EYS: variants seen among roughly 807,000 people sequenced by gnomAD.
EYS encodes EGF-like photoreceptor maintenance factor, also known as protein eyes shut homolog.
Under a neutral mutation model 282.1 loss-of-function variants are expected in EYS, and 250 were observed. The ratio of observed to expected loss-of-function variants is 0.89; its 90% CI spans 0.80 to 0.98. EYS has a LOEUF of 0.98. Among genes scored for constraint, EYS ranks in the 50% least tolerant of loss-of-function variants. The pLI is 0.00. For synonymous variants in EYS, 1,355 were observed against 1,282.9 expected, an observed-to-expected ratio of 1.06 and a Z score of -1.20; for missense variants, 4,016 against 3,709.0, an observed-to-expected ratio of 1.08 and a Z score of -2.15.
chr6:64,863,505 T>C (rs1449448101), intron 19 of EYS, among the ~76,000 whole-genome samples: 1 of 152,224 alleles, frequency 6.6e-6, no homozygotes. Context: ...ATAGTAAAGA[T>C]ATCACAGTAT....
intron 24 of EYS, 130 bp downstream of exon 24, chr6:64,617,288 C>T: frequency 1.5e-6 from 1 of 657,542 alleles, no homozygotes; most frequent in Non-Finnish European, 2.7e-6. Context: ...GTGTAGCGTG[C>T]ACAGAGAAGG....
chr6:64,870,262 G>A (rs1057247109), intron 19 of EYS, among the ~76,000 whole-genome samples: 3 of 151,598 alleles, frequency 2.0e-5, no homozygotes, highest in Non-Finnish European at 3.0e-5. Context: ...CATAACAGCT[G>A]AAAATGTGCA....
chr6:63,808,550 A>G (rs1318150184), intron 36 of EYS, among the ~76,000 whole-genome samples: 1 of 152,244 alleles, frequency 6.6e-6, no homozygotes, highest in Admixed American at 6.5e-5. Context: ...AAGCTTATGC[A>G]GAAATCTAAA....
At chr6:64,597,535 A>T (rs944666651) in intron 24 of EYS, among the ~76,000 whole-genome samples, 1 of 152,188 alleles carries the variant, frequency 6.6e-6, no homozygotes, top group African/African-American at 2.4e-5. Flanking sequence ...CCATAAAAAG[A>T]ATTAAATCAG....
At chr6:65,074,196 T>C (rs1287272347) in intron 12 of EYS, among the ~76,000 whole-genome samples, 3 of 152,088 alleles carry the variant, frequency 2.0e-5, no homozygotes, top group African/African-American at 7.2e-5. Flanking sequence ...GGTAATTCCC[T>C]TTGAGACTAC....
intron 41 of EYS, among the ~76,000 whole-genome samples, chr6:63,756,905 G>T (rs1233564810): frequency 6.6e-6 from 1 of 151,842 alleles, no homozygotes; most frequent in Non-Finnish European, 1.5e-5. Flanking sequence ...TAATCCTGTT[G>T]TCTTTGTAAG....
intron 12 of EYS, among the ~76,000 whole-genome samples, chr6:65,221,388 G>C (rs1209397242): frequency 6.6e-6 from 1 of 152,194 alleles, no homozygotes; most frequent in Non-Finnish European, 1.5e-5. Context: ...CTTGGGACTT[G>C]ATGCCCTATG....
At chr6:63,983,260 A>G (rs934243582) in intron 35 of EYS, among the ~76,000 whole-genome samples, 1 of 151,840 alleles carries the variant, frequency 6.6e-6, no homozygotes, top group Non-Finnish European at 1.5e-5. Context: ...ATACTTACAC[A>G]GTGAATCAGA....
In EYS at chr6:64,976,767, C is replaced by A. The variant is rs567682415; in HGVS notation, c.2259+20815G>T. ...CATCTCCATTCAAGACAAAAGAGAACTATGTTTCTGTCACTAATTTATTGG... is the reference window on the plus strand; with the variant it reads ...CATCTCCATTCAAGACAAAAGAGAAATATGTTTCTGTCACTAATTTATTGG... On this transcript the variant is annotated intron_variant, in intron 14 of 42. Transcript: ENST00000503581. Among the ~76,000 whole-genome samples, 15 of 151,938 alleles carry A rather than the reference C, an allele frequency of 9.9e-5. No homozygotes were observed. In the East Asian group the frequency reaches 1.9e-3, roughly 20 times the overall value.
intron 5 of EYS, among the ~76,000 whole-genome samples, chr6:65,442,130 T>C (rs1562184320): frequency 6.6e-6 from 1 of 152,084 alleles, no homozygotes; most frequent in African/African-American, 2.4e-5. Flanking sequence ...TGTGTTTTCT[T>C]CTTTAAAAAA....
At chr6:65,062,307 G>A (rs1414411153) in intron 12 of EYS, among the ~76,000 whole-genome samples, 1 of 151,778 alleles carries the variant, frequency 6.6e-6, no homozygotes, top group Non-Finnish European at 1.5e-5. Context: ...ATTCTTTATT[G>A]TTCCTCACCC....
intron 29 of EYS, among the ~76,000 whole-genome samples, chr6:64,329,444 A>G (rs1346665951): frequency 6.6e-6 from 1 of 152,106 alleles, no homozygotes; most frequent in Non-Finnish European, 1.5e-5. Flanking sequence ...TCCCAACAAC[A>G]GAGGAATGGA....
intron 36 of EYS, among the ~76,000 whole-genome samples, chr6:63,825,630 C>T (rs866351024): frequency 2.2e-4 from 33 of 152,108 alleles, no homozygotes; most frequent in African/African-American, 7.0e-4. Flanking sequence ...GATGGTTAGA[C>T]CCAGAAGAGA....
At chr6:63,836,040 A>T (rs1235071934) in intron 36 of EYS, among the ~76,000 whole-genome samples, 1 of 152,060 alleles carries the variant, frequency 6.6e-6, no homozygotes, top group African/African-American at 2.4e-5. Context: ...TATGAAAATT[A>T]TTATACAGGT....
At chr6:64,686,211 A>T (rs1362349871) in intron 22 of EYS, among the ~76,000 whole-genome samples, 4 of 152,148 alleles carry the variant, frequency 2.6e-5, no homozygotes, top group African/African-American at 9.6e-5. Context: ...CTAAATTCCT[A>T]TCTGTAAGAA....
chr6:65,183,414 A>G (rs529517692), intron 12 of EYS, among the ~76,000 whole-genome samples: 16 of 152,014 alleles, frequency 1.1e-4, no homozygotes, highest in African/African-American at 3.9e-4. Flanking sequence ...TATAATTCCA[A>G]ATACAATTTC....
At position 64,388,720 on chromosome 6, in the gene EYS, A is replaced by G; in HGVS notation, c.6048T>C (p.Gly2016=). 1 of 1,538,784 alleles carries G rather than the reference A, an allele frequency of 6.5e-7. No individual in the cohort carries two copies. Among genetic ancestry groups the G allele is most frequent in the South Asian group, 1.2e-5 (1 of 80,630 alleles). The part of the protein sequence containing the change: ...PLPKSGSVFI[G]GFPDLHGKIQ... The stretch of plus-strand genomic sequence containing the variant: ...TTTTCCCATGAAGGTCTGGAAATCC[A>G]CCAATGAAGACAGATCCTGATTTTG... Residue 2016 remains glycine (G), a synonymous_variant, in exon 29 of 43, where the codon GGT becomes GGC. Transcript: ENST00000503581.
rs1771314677 is a variant in EYS, at chr6:64,997,703, A to G, written c.2138T>C (p.Val713Ala). The G allele has an allele frequency of 6.4e-7, 1 of 1,550,580 alleles. No individual in the cohort carries two copies. Among genetic ancestry groups the G allele is most frequent in the East Asian group, 2.4e-5 (1 of 40,846 alleles). The change falls in exon 14 of 43, where the codon GTG becomes GCG. Residue 713 changes from valine to alanine, a missense_variant and splice_region_variant. Val to Ala is a moderately conservative substitution (Grantham distance 64). Coordinates refer to ENST00000503581, the MANE Select transcript of EYS (RefSeq NM_001142800.2). ...GCATAAGCAGGAAAAGCCATCAACC[A>G]CTGGAAACAACAGAAAAGAGAAAAC... ...YFCQCVPPFK[V>A]VDGFSCLCNP...
chr6:64,346,313 C>T (rs889449523), intron 29 of EYS, among the ~76,000 whole-genome samples: 1 of 152,004 alleles, frequency 6.6e-6, no homozygotes, highest in African/African-American at 2.4e-5. Flanking sequence ...AAATATCCAA[C>T]AATGATAGAC....
Sources: gnomAD v4.1 joint callset for allele counts (sites outside exome capture counted in the v4.1 genomes callset) on GRCh38, gnomAD v4.1.1 for gene constraint, MANE v1.5 for transcripts, NCBI Gene and HGNC (gene_info 2026-07-23, HGNC 2026-07-21) for gene names.